The following LDLRAD4 variants were observed in gnomAD, a reference collection of about 807,000 sequenced individuals.
LDLRAD4 encodes low density lipoprotein receptor class A domain containing 4.
In LDLRAD4, 5 loss-of-function variants were observed where a neutral mutation model predicts 17.0. The ratio of observed to expected loss-of-function variants is 0.29; its 90% confidence interval spans 0.15 to 0.62. The LOEUF is 0.62. Among genes scored for constraint, LDLRAD4 ranks in the 20% least tolerant of loss-of-function variants. The pLI is 0.84. For missense variants in LDLRAD4, 340 were observed against 424.7 expected, an observed-to-expected ratio of 0.80 and a Z score of 1.75; for synonymous variants, 168 against 171.8, an observed-to-expected ratio of 0.98 and a Z score of 0.17.
At chr18:13,641,746 G>A in intron 4 of LDLRAD4, 1 of 985,292 alleles carries the variant, frequency 1.0e-6, no homozygotes, top group Non-Finnish European at 1.2e-6. Flanking sequence ...CGGGGCGCTG[G>A]GTCAGCCGAG....
chr18:13,630,989 G>C (rs2041612600), intron 4 of LDLRAD4, among the ~76,000 whole-genome samples: 1 of 152,146 alleles, frequency 6.6e-6, no homozygotes, highest in East Asian at 1.9e-4. Context: ...TCATTCCTGG[G>C]GTCCTCTGTG....
Position 13,411,456 on chromosome 18 carries a change from C to T in LDLRAD4, c.40+23694C>T, listed in dbSNP as rs554583497. On this transcript the variant is annotated intron_variant, in intron 2 of 5. Coordinates refer to ENST00000359446, the Ensembl canonical transcript of LDLRAD4. The stretch of plus-strand genomic sequence containing the variant: ...GGTTTGGCTGTGTCCTTACCCAAAT[C>T]TCATCTTGAATTGTAGTTTCCATAA... 1.2e-4 allele frequency among the ~76,000 whole-genome samples: 18 copies of T among 152,306 alleles called. No individual in the cohort carries two copies. In the South Asian group the frequency reaches 2.1e-3, roughly 18 times the overall value.
chr18:13,438,375 A>T, exon 3 of LDLRAD4: 1 of 1,613,964 alleles, frequency 6.2e-7, no homozygotes. Flanking sequence ...GCCTCCGGGC[A>T]TCTTCAACTG....
intron 1 of LDLRAD4, among the ~76,000 whole-genome samples, chr18:13,309,153 T>G (rs757629150): frequency 1.3e-5 from 2 of 152,256 alleles, no homozygotes; most frequent in Non-Finnish European, 2.9e-5. Flanking sequence ...AGGCTTGTCC[T>G]TGGTGCAGAG....
intron 3 of LDLRAD4, among the ~76,000 whole-genome samples, chr18:13,539,139 G>C (rs964912924): frequency 1.3e-5 from 2 of 152,152 alleles, no homozygotes; most frequent in African/African-American, 2.4e-5. Context: ...TTATAGGCTT[G>C]TTTGAGTGAT....
rs904832410 is a variant in LDLRAD4 at position 13,513,360 on chromosome 18, C to T, written c.181+74976C>T. On this transcript the variant is annotated intron_variant, in intron 3 of 5. Coordinates refer to ENST00000359446, the Ensembl canonical transcript of LDLRAD4. ...AGATCAGTAAGCAAGTCACATTTTC[C>T]GTGTTAACCACTGTGGGCTAAACAC... Among the ~76,000 whole-genome samples, 57 of 152,328 alleles carry T rather than the reference C, an allele frequency of 3.7e-4. 1 individual carries two copies. Among genetic ancestry groups the T allele is most frequent in the Middle Eastern group, 3.4e-3 (1 of 294 alleles).
intron 5 of LDLRAD4, among the ~76,000 whole-genome samples, chr18:13,644,607 A>T (rs2042904092): frequency 1.3e-5 from 2 of 151,978 alleles, no homozygotes; most frequent in Non-Finnish European, 2.9e-5. Flanking sequence ...AAATAAAAAT[A>T]AAAACTCGGA....
chr18:13,550,442 C>T lies in LDLRAD4; in HGVS notation c.182-70675C>T, dbSNP rs9966856. Among the ~76,000 whole-genome samples, 1,354 of 152,232 alleles carry T rather than the reference C, an allele frequency of 8.9e-3. 22 individuals carry two copies. The highest frequency in any genetic ancestry group is 0.031 in the African/African-American group (1,288 of 41,524). The stretch of plus-strand genomic sequence containing the variant: ...AACCTGTCATGGGTCTGTGGAGAGA[C>T]GTAATACTGGGAGCTGCAGAGGGCT... On this transcript the variant is annotated intron_variant, in intron 3 of 5. Transcript: ENST00000359446.
At chr18:13,364,196 A>G (rs2083893409) in intron 1 of LDLRAD4, among the ~76,000 whole-genome samples, 1 of 152,224 alleles carries the variant, frequency 6.6e-6, no homozygotes, top group Non-Finnish European at 1.5e-5. Context: ...ATGCCAAGCT[A>G]CTAACATTGG....
At chr18:13,418,092 G>A (rs1264635513) in intron 2 of LDLRAD4, among the ~76,000 whole-genome samples, 1 of 152,182 alleles carries the variant, frequency 6.6e-6, no homozygotes, top group Non-Finnish European at 1.5e-5. Flanking sequence ...CACCCGCACT[G>A]AGCCCTGGAG....
At chr18:13,242,221 A>G (rs2042696637) in intron 1 of LDLRAD4, 1 of 152,282 alleles carries the variant, frequency 6.6e-6, no homozygotes, top group Non-Finnish European at 1.5e-5. Context: ...TCTGCAGGAA[A>G]TTCATCAAAA....
chr18:13,348,515 G>T (rs193123589), intron 1 of LDLRAD4, among the ~76,000 whole-genome samples: 3 of 152,296 alleles, frequency 2.0e-5, no homozygotes, highest in Admixed American at 2.0e-4. Context: ...GCTACTTGGC[G>T]GTCAGGGATC....
chr18:13,579,724 A>G (rs2094829515), intron 3 of LDLRAD4, among the ~76,000 whole-genome samples: 1 of 152,244 alleles, frequency 6.6e-6, no homozygotes, highest in African/African-American at 2.4e-5. Flanking sequence ...GCCTATCACA[A>G]GAATGTATGC....
chr18:13,377,329 C>T (rs886245985), intron 1 of LDLRAD4, among the ~76,000 whole-genome samples: 10 of 152,192 alleles, frequency 6.6e-5, no homozygotes, highest in African/African-American at 1.9e-4. Context: ...GGCTGCGTCA[C>T]GTCTGTTTCC....
chr18:13,506,038 C>G lies in LDLRAD4; in HGVS notation c.181+67654C>G, dbSNP rs75356662. 3.6e-3 allele frequency among the ~76,000 whole-genome samples: 547 copies of G among 152,112 alleles called. 2 individuals are homozygous for G. The highest frequency in any genetic ancestry group is 6.3e-3 in the Admixed American group (96 of 15,282). On this transcript the variant is annotated intron_variant, in intron 3 of 5. Coordinates refer to ENST00000359446, the Ensembl canonical transcript of LDLRAD4. ...CTTCCCACTTGTTCTCCTGTGTGCT[C>G]TCAGCGTTGTAAAGTATCTCCAAGA... is the stretch of plus-strand genomic sequence containing the variant.
chr18:13,569,272 A>G (rs561239065), intron 3 of LDLRAD4, among the ~76,000 whole-genome samples: 12 of 132,798 alleles, frequency 9.0e-5, no homozygotes, highest in Admixed American at 3.2e-4. Context: ...CCCATCCTGC[A>G]GGCTCAGGGG....
In LDLRAD4 at chr18:13,317,025, C is replaced by T. The variant is rs567266578; in HGVS notation, c.-383+38837C>T. 5.3e-5 allele frequency among the ~76,000 whole-genome samples: 8 copies of T among 152,168 alleles called. No individual in the cohort carries two copies. The East Asian group carries it at 5.8e-4, about 11-fold the overall frequency. On this transcript the variant is annotated intron_variant, in intron 1 of 5. Transcript: ENST00000359446. ...TTAAAAAATTGCTGCTTACGATAGA[C>T]GTGCTTAGATGAAGGAATCCAGAAG...
At chr18:13,376,735 T>A (rs1298752235) in intron 1 of LDLRAD4, among the ~76,000 whole-genome samples, 1 of 152,182 alleles carries the variant, frequency 6.6e-6, no homozygotes, top group African/African-American at 2.4e-5. Context: ...AGGGCACGTA[T>A]CTTTACCGCT....
intron 2 of LDLRAD4, among the ~76,000 whole-genome samples, chr18:13,421,479 T>G (rs28568429): frequency 0.05 from 7,626 of 152,152 alleles, 531 homozygotes; most frequent in East Asian, 0.15. Context: ...GAGTCCCCAC[T>G]TCCTCCTCTA....
Sources: gnomAD v4.1 joint callset for allele counts (sites outside exome capture counted in the v4.1 genomes callset) on GRCh38, gnomAD v4.1.1 for gene constraint, MANE v1.5 for transcripts, NCBI Gene and HGNC (gene_info 2026-07-23, HGNC 2026-07-21) for gene names.